The following PSD3 variants were observed in gnomAD, a reference collection of about 807,000 sequenced individuals.
PSD3 encodes PH and SEC7 domain-containing protein 3.
PSD3 carries 49 observed loss-of-function variants against 105.5 expected under a neutral mutation model. That is an observed-to-expected ratio of 0.46 (90% CI 0.37 to 0.59). The LOEUF (loss-of-function observed/expected upper bound fraction) is 0.59. Among genes scored for constraint, PSD3 ranks in the 20% least tolerant of loss-of-function variants. PSD3 has a pLI of 0.00. For synonymous variants in PSD3, 557 were observed against 457.8 expected (o/e 1.22, Z -2.77); for missense variants, 1,561 against 1,263.8 (o/e 1.24, Z -3.57).
intron 1 of PSD3, among the ~76,000 whole-genome samples, chr8:18,982,216 G>A (rs1157379402): frequency 2.6e-5 from 4 of 152,172 alleles, no homozygotes; most frequent in South Asian, 4.1e-4. Context: ...ATCCACTAAT[G>A]GTGCATCCTG....
chr8:18,891,478 C>A (rs1301926404), intron 2 of PSD3, among the ~76,000 whole-genome samples: 1 of 152,066 alleles, frequency 6.6e-6, no homozygotes, highest in African/African-American at 2.4e-5. Flanking sequence ...TGAGATACAG[C>A]AATTTTTTAA....
chr8:18,900,406 A>G (rs1359574090), intron 2 of PSD3, among the ~76,000 whole-genome samples: 1 of 152,144 alleles, frequency 6.6e-6, no homozygotes, highest in Admixed American at 6.5e-5. Context: ...TTACAACGGT[A>G]CTTACACTGC....
chr8:18,896,242 C>T (rs1306085037), intron 2 of PSD3, among the ~76,000 whole-genome samples: 3 of 152,158 alleles, frequency 2.0e-5, no homozygotes, highest in African/African-American at 7.2e-5. Flanking sequence ...GGTAGATTCC[C>T]CTTCTTGGTT....
chr8:18,665,813 T>C (rs147941692), intron 9 of PSD3, among the ~76,000 whole-genome samples: 277 of 152,296 alleles, frequency 1.8e-3, no homozygotes, highest in African/African-American at 6.4e-3. Context: ...ATCGTGCCAC[T>C]GCACTTCAGC....
chr8:18,869,760 T>C (rs1401321303), intron 3 of PSD3, among the ~76,000 whole-genome samples: 1 of 152,224 alleles, frequency 6.6e-6, no homozygotes, highest in East Asian at 1.9e-4. Context: ...AATTATTCAT[T>C]CTTGTAGGTC....
chr8:19,077,009 T>C (rs1348425024), intron 1 of PSD3, among the ~76,000 whole-genome samples: 4 of 152,244 alleles, frequency 2.6e-5, no homozygotes, highest in Non-Finnish European at 4.4e-5. Flanking sequence ...CTTGATTGTT[T>C]ATTACCGTCT....
intron 11 of PSD3, among the ~76,000 whole-genome samples, chr8:18,608,111 T>C (rs1192719956): frequency 2.6e-5 from 4 of 152,124 alleles, no homozygotes; most frequent in Admixed American, 2.0e-4. Context: ...TCCCAGCTAC[T>C]TGGGAGGCTG....
intron 12 of PSD3, among the ~76,000 whole-genome samples, chr8:18,588,417 TAAG>T (rs1347402526): frequency 2.6e-5 from 4 of 152,128 alleles, no homozygotes; most frequent in African/African-American, 9.7e-5. Flanking sequence ...AAAAGAGCAT[TAAG>T]AAGAGAGTGG....
chr8:18,678,702 C>T (rs1800206396), intron 9 of PSD3, among the ~76,000 whole-genome samples: 2 of 149,990 alleles, frequency 1.3e-5, no homozygotes, highest in Admixed American at 1.3e-4. Flanking sequence ...TCCCAGCTAA[C>T]TTGGGAGGCC....
At chr8:19,073,784 G>A (rs1010879652) in intron 1 of PSD3, among the ~76,000 whole-genome samples, 1 of 129,718 alleles carries the variant, frequency 7.7e-6, no homozygotes, top group Admixed American at 8.9e-5. Context: ...TCAGAATTGT[G>A]TTTTTTTCTT....
At chr8:18,912,845 T>A (rs920986696) in intron 2 of PSD3, among the ~76,000 whole-genome samples, 5 of 152,214 alleles carry the variant, frequency 3.3e-5, no homozygotes, top group Non-Finnish European at 7.4e-5. Context: ...AAAAACATTT[T>A]CATGCAACAG....
chr8:18,893,919 T>G (rs1212454296), intron 2 of PSD3, among the ~76,000 whole-genome samples: 1 of 152,212 alleles, frequency 6.6e-6, no homozygotes, highest in Non-Finnish European at 1.5e-5. Flanking sequence ...CAGGGATTAG[T>G]TTTTCACCCG....
intron 9 of PSD3, among the ~76,000 whole-genome samples, chr8:18,731,645 T>C (rs558845372): frequency 6.6e-6 from 1 of 152,120 alleles, no homozygotes; most frequent in Non-Finnish European, 1.5e-5. Context: ...TCAAAGGAAA[T>C]TGCTTATAGA....
At chr8:18,605,295 G>T (rs1804738666) in intron 11 of PSD3, among the ~76,000 whole-genome samples, 1 of 151,816 alleles carries the variant, frequency 6.6e-6, no homozygotes, top group Non-Finnish European at 1.5e-5. Context: ...GTTAGACATG[G>T]AGCCAAATAA....
chr8:18,933,869 TAGTTAGGTAC>T, intron 2 of PSD3, among the ~76,000 whole-genome samples: 1 of 152,332 alleles, frequency 6.6e-6, no homozygotes, highest in East Asian at 1.9e-4. Flanking sequence ...AAGCCCAGAA[TAGTTAGGTAC>T]TTATGATGCA....
intron 4 of PSD3, among the ~76,000 whole-genome samples, chr8:18,816,357 C>G (rs1255754479): frequency 6.6e-6 from 1 of 152,200 alleles, no homozygotes; most frequent in Non-Finnish European, 1.5e-5. Context: ...CATGACCATT[C>G]TGCCAGCAGG....
chr8:18,573,340 C>T (rs1802266249), intron 13 of PSD3, among the ~76,000 whole-genome samples: 1 of 152,072 alleles, frequency 6.6e-6, no homozygotes, highest in African/African-American at 2.4e-5. Flanking sequence ...CATGGTGGTG[C>T]ACACTTGTAG....
intron 1 of PSD3, among the ~76,000 whole-genome samples, chr8:19,043,076 A>G (rs1019165411): frequency 3.3e-5 from 5 of 152,224 alleles, no homozygotes; most frequent in African/African-American, 9.6e-5. Context: ...GAGGCTTATA[A>G]AAAATGGGCA....
chr8:19,074,590 T>C (rs13261316), intron 1 of PSD3, among the ~76,000 whole-genome samples: 4 of 13,752 alleles, frequency 2.9e-4, no homozygotes, highest in African/African-American at 4.4e-4. Flanking sequence ...CTCAGATATA[T>C]ACATATATAT....
Sources: allele counts gnomAD v4.1 joint callset (sites outside exome capture counted in the v4.1 genomes callset), GRCh38; gene constraint gnomAD v4.1.1; transcripts MANE v1.5; gene names NCBI Gene and HGNC (gene_info 2026-07-23, HGNC 2026-07-21).